Variants in GLI2 observed in about 807,000 individuals in gnomAD.
The protein encoded by GLI2 is transcription activator GLI2.
GLI2 carries 22 observed loss-of-function variants against 78.9 expected under a neutral mutation model. The observed-to-expected ratio is 0.28, with a 90% confidence interval of 0.20 to 0.40. The LOEUF is 0.40. Among genes scored for constraint, GLI2 ranks in the 10% least tolerant of loss-of-function variants. The probability of loss-of-function intolerance (pLI) is 1.00; values close to 1 mark genes in which losing one functional copy is unlikely to be tolerated. For missense variants in GLI2, 2,097 were observed against 2,213.2 expected (o/e 0.95, Z 1.05); for synonymous variants, 974 against 963.7 (o/e 1.01, Z -0.20).
At chr2:120,921,615 A>G (rs951821038) in intron 2 of GLI2, among the ~76,000 whole-genome samples, 4 of 152,130 alleles carry the variant, frequency 2.6e-5, no homozygotes, top group Admixed American at 6.5e-5. Context: ...AATTTCCCCA[A>G]AGTCCCATGG....
intron 1 of GLI2, among the ~76,000 whole-genome samples, chr2:120,777,322 G>T (rs921445180): frequency 6.6e-6 from 1 of 152,000 alleles, no homozygotes; most frequent in Non-Finnish European, 1.5e-5. Flanking sequence ...GTGAGAAGCC[G>T]TGTGTGAGTG....
rs1474128646 is a variant in GLI2 at position 120,990,775 on chromosome 2, A to G, written c.*100A>G. On this transcript the variant is annotated 3_prime_UTR_variant, in exon 14 of 14. Coordinates refer to ENST00000361492, the MANE Select transcript of GLI2 (RefSeq NM_001374353.1). ...GTCTTTTTCCAAAAAAGTGTTAAAT[A>G]GGCTTGAGGGGTTGTTGCGCAATGG... The G allele has an allele frequency of 5.0e-6, 5 of 1,005,792 alleles. No homozygotes were observed. Among genetic ancestry groups the G allele is most frequent in the African/African-American group, 3.2e-5 (2 of 61,992 alleles). 62.3% of individuals were successfully genotyped at this position (1,005,792 alleles called of 1,614,324 possible).
chr2:120,955,606 A>C (rs967470756), intron 5 of GLI2, among the ~76,000 whole-genome samples, 176 bp downstream of exon 5: 5 of 152,194 alleles, frequency 3.3e-5, no homozygotes, highest in African/African-American at 9.7e-5. Flanking sequence ...ACACTTACTG[A>C]GTCACCACAG....
At chr2:120,887,180 G>A (rs1380863859) in intron 2 of GLI2, among the ~76,000 whole-genome samples, 2 of 152,156 alleles carry the variant, frequency 1.3e-5, no homozygotes, top group East Asian at 1.9e-4. Flanking sequence ...ATGGCAAGTG[G>A]TAGATGTCAC....
At chr2:120,931,764 C>T (rs1679953095) in intron 3 of GLI2, among the ~76,000 whole-genome samples, 1 of 152,172 alleles carries the variant, frequency 6.6e-6, no homozygotes, top group South Asian at 2.1e-4. Context: ...TGTGTGACAT[C>T]CCTGCAAGGT....
Position 120,797,448 on chromosome 2 carries a change from C to T in GLI2, c.128C>T (p.Ala43Val), listed in dbSNP as rs1232098625. 8 of 1,613,870 alleles carry T rather than the reference C, an allele frequency of 5.0e-6. No homozygotes were observed. The African/African-American group carries it at 5.3e-5, about 11-fold the overall frequency. ...SPLVVAAAAA[A>V]AVAAQGVPQH... ...TTGGTGGTGGCTGCAGCGGCAGCAG[C>T]AGCGGTAGCTGCCCAAGGAGGTACT... The change falls in exon 2 of 14, where the codon GCA (alanine) becomes GTA (valine). Residue 43 changes from alanine (A) to valine (V), a missense_variant. By Grantham distance (64) the Ala-to-Val change is moderately conservative (BLOSUM62 0). Transcript: ENST00000361492.
At chr2:120,916,712 G>A (rs1382733206) in intron 2 of GLI2, among the ~76,000 whole-genome samples, 1 of 152,248 alleles carries the variant, frequency 6.6e-6, no homozygotes, top group Non-Finnish European at 1.5e-5. Flanking sequence ...AGCAGGGTGT[G>A]TGGTTGTGAC....
In GLI2 at chr2:120,950,386, G is replaced by A. The variant is rs569834210; in HGVS notation, c.255-857G>A. On this transcript the variant is annotated intron_variant, in intron 3 of 13. Coordinates refer to ENST00000361492, the MANE Select transcript of GLI2 (RefSeq NM_001374353.1). Reference sequence around the variant, plus strand: ...GATTCATCTTTAATGAGTGAGTTTTGGAGTAGATTACCTCAAAATACACCT... The same window carrying A: ...GATTCATCTTTAATGAGTGAGTTTTAGAGTAGATTACCTCAAAATACACCT... 2.0e-5 allele frequency among the ~76,000 whole-genome samples: 3 copies of A among 152,270 alleles called. No homozygotes were observed. In the East Asian group the frequency reaches 5.8e-4, roughly 29 times the overall value.
chr2:120,892,715 C>G (rs910473598), intron 2 of GLI2, among the ~76,000 whole-genome samples: 7 of 152,178 alleles, frequency 4.6e-5, no homozygotes, highest in African/African-American at 1.2e-4. Context: ...TGTAAATACC[C>G]CAGCTCCCTC....
At chr2:120,896,636 CAT>C (rs1381752961) in intron 2 of GLI2, among the ~76,000 whole-genome samples, 44 of 132,950 alleles carry the variant, frequency 3.3e-4, no homozygotes, top group African/African-American at 9.2e-4. Flanking sequence ...GAAAAACACA[CAT>C]ACACACACAC....
rs567668879 is a variant in GLI2 at position 120,940,014 on chromosome 2, T to G, written c.255-11229T>G. Among the ~76,000 whole-genome samples the G allele has an allele frequency of 5.9e-5, 9 of 152,362 alleles. No homozygotes were observed. The South Asian group carries it at 1.9e-3, about 32-fold the overall frequency. Reference sequence around the variant, plus strand: ...TGTGATTCTAATTTTCTGTTTCCCTTATTGCTAATGAACCTTGAGTGTTCT... The same window carrying G: ...TGTGATTCTAATTTTCTGTTTCCCTGATTGCTAATGAACCTTGAGTGTTCT... On this transcript the variant is annotated intron_variant, in intron 3 of 13. Transcript: ENST00000361492.
chr2:120,821,670 G>GGT (rs1282652174), intron 2 of GLI2, among the ~76,000 whole-genome samples: 2 of 152,016 alleles, frequency 1.3e-5, no homozygotes, highest in East Asian at 3.9e-4. Flanking sequence ...ACAGAGGGGA[G>GGT]GTGCCTGTGC....
intron 1 of GLI2, among the ~76,000 whole-genome samples, chr2:120,773,958 C>T (rs1683602855): frequency 7.2e-6 from 1 of 138,062 alleles, no homozygotes; most frequent in African/African-American, 2.6e-5. Context: ...TCCCTCCTTC[C>T]CTCCCTCCTT....
chr2:120,761,376 A>G (rs1324958142), intron 1 of GLI2, among the ~76,000 whole-genome samples: 1 of 151,974 alleles, frequency 6.6e-6, no homozygotes, highest in Non-Finnish European at 1.5e-5. Context: ...CCAGCCCAGG[A>G]GGTGAGACCA....
intron 1 of GLI2, among the ~76,000 whole-genome samples, chr2:120,790,010 C>T (rs192431210): frequency 2.2e-4 from 33 of 152,314 alleles, no homozygotes; most frequent in Admixed American, 1.3e-3. Flanking sequence ...ATGGGGCTCC[C>T]GGTGCAGCGA....
chr2:120,748,628 G>A lies in GLI2; in HGVS notation c.-31+12343G>A, dbSNP rs1185903598. Among the ~76,000 whole-genome samples the A allele has an allele frequency of 2.6e-5, 4 of 152,298 alleles. No homozygotes were observed. In the East Asian group the frequency reaches 5.8e-4, roughly 22 times the overall value. On this transcript the variant is annotated intron_variant, in intron 1 of 13. Transcript: ENST00000361492. ...TAGCTTCAGGTCATGGGACATAAAT[G>A]TGCAGAGGCCCAGGTTCTTTCCGAG...
chr2:120,935,884 C>T (rs760393454), intron 3 of GLI2, among the ~76,000 whole-genome samples: 46 of 152,306 alleles, frequency 3.0e-4, no homozygotes, highest in East Asian at 1.2e-3. Flanking sequence ...CTTTACTGAA[C>T]GCCAAAGCCC....
intron 2 of GLI2, among the ~76,000 whole-genome samples, chr2:120,900,073 T>G (rs916228815): frequency 6.6e-6 from 1 of 152,186 alleles, no homozygotes; most frequent in African/African-American, 2.4e-5. Context: ...GGGGAAAGTT[T>G]GCTTTACTTT....
At chr2:120,820,314 G>A (rs1209408013) in intron 2 of GLI2, among the ~76,000 whole-genome samples, 2 of 152,272 alleles carry the variant, frequency 1.3e-5, no homozygotes, top group East Asian at 1.9e-4. Context: ...TGTCGCCCTC[G>A]TATTTGCTCA....
Sources: gnomAD v4.1 joint callset for allele counts (sites outside exome capture counted in the v4.1 genomes callset) on GRCh38, gnomAD v4.1.1 for gene constraint, MANE v1.5 for transcripts, NCBI Gene and HGNC (gene_info 2026-07-23, HGNC 2026-07-21) for gene names.